The following IL16 variants were observed in gnomAD, a reference collection of about 807,000 sequenced individuals.
IL16 encodes the protein interleukin 16, also known as pro-interleukin-16.
Under a neutral mutation model 110.1 loss-of-function variants are expected in IL16, and 67 were observed. That is an observed-to-expected ratio of 0.61 (90% CI 0.50 to 0.75). The LOEUF (loss-of-function observed/expected upper bound fraction) is 0.75, where lower values mean the gene tolerates loss of function less well. IL16 is among the 30% of genes least tolerant of loss of function. The pLI, the probability that IL16 is intolerant of heterozygous loss-of-function variation, is 0.00. For synonymous variants in IL16, 689 were observed against 662.9 expected (o/e 1.04, Z -0.61); for missense variants, 1,545 against 1,655.0 (o/e 0.93, Z 1.15).
chr15:81,185,693 A>T (rs1028831298), intron 1 of IL16, among the ~76,000 whole-genome samples: 2 of 152,146 alleles, frequency 1.3e-5, no homozygotes, highest in African/African-American at 4.8e-5. Context: ...ACAACTGTAC[A>T]CACATAAATA....
At chr15:81,249,822 C>T (rs1447507807) in intron 2 of IL16, among the ~76,000 whole-genome samples, 1 of 152,082 alleles carries the variant, frequency 6.6e-6, no homozygotes, top group Non-Finnish European at 1.5e-5. Context: ...TAGGCTTTGT[C>T]ACTCTATCTT....
At chr15:81,254,938 GAA>G in intron 2 of IL16, among the ~76,000 whole-genome samples, 1 of 152,304 alleles carries the variant, frequency 6.6e-6, no homozygotes, top group South Asian at 2.1e-4. Context: ...GTAAAGAGCT[GAA>G]AGTGATTTTA....
chr15:81,245,248 T>C (rs1195839859), intron 2 of IL16, among the ~76,000 whole-genome samples: 2 of 152,204 alleles, frequency 1.3e-5, no homozygotes, highest in South Asian at 2.1e-4. Context: ...TAAAAATTGT[T>C]ATGAGGCCCT....
At chr15:81,209,088 C>T (rs1271910711) in intron 1 of IL16, among the ~76,000 whole-genome samples, 1 of 152,114 alleles carries the variant, frequency 6.6e-6, no homozygotes, top group Non-Finnish European at 1.5e-5. Context: ...ATTGAGCACT[C>T]AATGAATTCA....
chr15:81,242,209 T>C (rs1381688993), intron 2 of IL16, among the ~76,000 whole-genome samples: 1 of 152,184 alleles, frequency 6.6e-6, no homozygotes, highest in Non-Finnish European at 1.5e-5. Context: ...TCAGTCGTTT[T>C]AGCTAATGTA....
chr15:81,238,170 G>A (rs1002178584), intron 2 of IL16, among the ~76,000 whole-genome samples: 1 of 152,184 alleles, frequency 6.6e-6, no homozygotes, highest in Non-Finnish European at 1.5e-5. Context: ...CCAAAGTGCT[G>A]GGATTACAGG....
intron 2 of IL16, among the ~76,000 whole-genome samples, chr15:81,239,496 T>A (rs980019611): frequency 6.6e-6 from 1 of 152,218 alleles, no homozygotes; most frequent in African/African-American, 2.4e-5. Context: ...AGAAAAAACC[T>A]ACAGGGCCTG....
chr15:81,244,405 C>T (rs1421889761), intron 2 of IL16, among the ~76,000 whole-genome samples: 1 of 151,776 alleles, frequency 6.6e-6, no homozygotes, highest in Non-Finnish European at 1.5e-5. Context: ...ATTCATTTTC[C>T]TTCATCTCAG....
intron 2 of IL16, among the ~76,000 whole-genome samples, chr15:81,225,939 T>C (rs1896775821): frequency 6.6e-6 from 1 of 152,188 alleles, no homozygotes; most frequent in South Asian, 2.1e-4. Context: ...AAGCACTATG[T>C]CACTCCAAGG....
At chr15:81,207,246 C>CAAAAAAAA (rs60442931) in intron 1 of IL16, among the ~76,000 whole-genome samples, 2 of 102,758 alleles carry the variant, frequency 1.9e-5, no homozygotes, top group African/African-American at 5.9e-5. Flanking sequence ...TCAAAAAAAA[C>CAAAAAAAA]AAAAAAAAAA....
intron 5 of IL16, among the ~76,000 whole-genome samples, chr15:81,272,806 C>T (rs1454461365): frequency 1.3e-5 from 2 of 152,184 alleles, no homozygotes; most frequent in Admixed American, 6.5e-5. Context: ...GGGTGCTGGT[C>T]TCCATCCAGC....
intron 10 of IL16, among the ~76,000 whole-genome samples, chr15:81,289,265 A>G (rs1899596761): frequency 6.6e-6 from 1 of 151,998 alleles, no homozygotes; most frequent in African/African-American, 2.4e-5. Flanking sequence ...CCTCCCTAGT[A>G]GCAGGGATTA....
In IL16 at chr15:81,292,975, A is replaced by G. The variant is rs770456094; in HGVS notation, c.1840A>G (p.Ser614Gly). ...TAAAAGTGACAGTGACCCTCAGAAG[A>G]GTCTGGAAGAGAGAGAGAACTCCTC... ...YFKSDSDPQKSLEERENSSCS... is the reference protein window; with the variant it reads ...YFKSDSDPQKGLEERENSSCS... The change falls in exon 12 of 19, where the codon AGT becomes GGT. Residue 614 changes from serine to glycine, a missense_variant. Around this residue, in one of 3 missense-constraint regions of IL16, gnomAD observed 1,185 missense variants for 1,238.8 expected, o/e 0.96. Transcript: ENST00000683961. 1 of 1,613,814 alleles carries G rather than the reference A, an allele frequency of 6.2e-7. No homozygotes were observed.
At chr15:81,257,618 G>A (rs528862439) in intron 2 of IL16, among the ~76,000 whole-genome samples, 13 of 152,282 alleles carry the variant, frequency 8.5e-5, no homozygotes, top group African/African-American at 3.1e-4. Flanking sequence ...ACAGTGGCAG[G>A]GGCTGGAGCT....
intron 10 of IL16, among the ~76,000 whole-genome samples, chr15:81,286,591 G>A (rs1000805491): frequency 6.6e-6 from 1 of 152,140 alleles, no homozygotes; most frequent in African/African-American, 2.4e-5. Flanking sequence ...AGCTATGGGA[G>A]GTCTGTAGCT....
At chr15:81,247,449 T>C (rs1022358718) in intron 2 of IL16, among the ~76,000 whole-genome samples, 2 of 152,224 alleles carry the variant, frequency 1.3e-5, no homozygotes, top group African/African-American at 2.4e-5. Flanking sequence ...GTTTCTTGAT[T>C]TTCAAATATG....
chr15:81,313,424 C>T lies in IL16; in HGVS notation c.*4626C>T. 2.6e-6 allele frequency: 4 copies of T among 1,512,864 alleles called. No individual in the cohort carries two copies. The highest frequency in any genetic ancestry group is 3.5e-6 in the Non-Finnish European group (4 of 1,127,018). 93.7% of individuals were successfully genotyped at this position (1,512,864 alleles called of 1,614,324 possible). A position where few individuals can be genotyped will look rare whatever the true frequency, so the allele number is the denominator to read the frequency against. ...GTTCCCTGTGAAGGCAACAGCAGAGCTGTGTTATGATCTGCAGCAGAGGTG... is the reference window on the plus strand; with the variant it reads ...GTTCCCTGTGAAGGCAACAGCAGAGTTGTGTTATGATCTGCAGCAGAGGTG... On this transcript the variant is annotated 3_prime_UTR_variant, in exon 19 of 19. Transcript: ENST00000683961.
In IL16 at chr15:81,291,448, G is replaced by GA. The variant is rs560974393; in HGVS notation, c.1420+919dup. 3.3e-3 allele frequency among the ~76,000 whole-genome samples: 478 copies of GA among 145,194 alleles called. 3 individuals are homozygous for GA. Among genetic ancestry groups the GA allele is most frequent in the South Asian group, 0.018 (82 of 4,600 alleles). Reference sequence around the variant, plus strand: ...GGAGGATGCATTATTTCATGATCAGGAAAAAAAAAAAGAAAACTTTTTATT... The same window carrying GA: ...GGAGGATGCATTATTTCATGATCAGGAAAAAAAAAAAAGAAAACTTTTTATT... On this transcript the variant is annotated intron_variant, in intron 11 of 18. Transcript: ENST00000683961.
intron 1 of IL16, among the ~76,000 whole-genome samples, chr15:81,187,526 T>C (rs1207678291): frequency 6.6e-6 from 1 of 151,442 alleles, no homozygotes; most frequent in African/African-American, 2.4e-5. Flanking sequence ...GTCTGGGAGG[T>C]TGAGTTTGCA....
Sources: gnomAD v4.1 joint callset for allele counts (sites outside exome capture counted in the v4.1 genomes callset) on GRCh38, gnomAD v4.1.1 for gene constraint, gnomAD v4.1.1 regional missense constraint, MANE v1.5 for transcripts, NCBI Gene and HGNC (gene_info 2026-07-23, HGNC 2026-07-21) for gene names.